Variants in SDC3 observed in about 807,000 individuals in gnomAD.
The protein encoded by SDC3 is syndecan-3.
SDC3 carries 13 observed loss-of-function variants against 24.4 expected under a neutral mutation model. That is an observed-to-expected ratio of 0.53 (90% CI 0.35 to 0.85). The LOEUF (loss-of-function observed/expected upper bound fraction) is 0.85, where lower values mean the gene tolerates loss of function less well. Ranked by LOEUF, SDC3 falls within the 40% of genes least tolerant of loss-of-function variation. The pLI is 0.01. For synonymous variants in SDC3, 295 were observed against 260.9 expected (o/e 1.13, Z -1.26); for missense variants, 571 against 584.5 (o/e 0.98, Z 0.24).
At position 30,908,520 on chromosome 1, in the gene SDC3, C is replaced by T. The variant is rs1638579117; in HGVS notation, c.67G>A (p.Ala23Thr). 3 of 974,246 alleles carry T rather than the reference C, an allele frequency of 3.1e-6. No homozygotes were observed. The African/African-American group carries it at 5.4e-5, about 18-fold the overall frequency. The allele number at this position is 974,246 out of a possible 1,614,324, so 60.4% of individuals were successfully genotyped here. Residue 23 changes from alanine (A) to threonine (T), a missense_variant, in exon 1 of 5, where the codon GCC (alanine) becomes ACC (threonine). Transcript: ENST00000339394. ...AGCAGCCCGCGGGCCCCGGGCCCGG[C>T]CGCGGCCCCGGCCCCGGCGCCGGCC... ...HGAGAGAGAA[A>T]GPGARGLLLP...
At chr1:30,891,028 G>C (rs1570014329) in intron 1 of SDC3, among the ~76,000 whole-genome samples, 1 of 152,166 alleles carries the variant, frequency 6.6e-6, no homozygotes, top group Non-Finnish European at 1.5e-5. Flanking sequence ...CCAGACCCAG[G>C]CTATCTGCCG....
intron 4 of SDC3, 140 bp downstream of exon 4, chr1:30,874,156 CT>C: frequency 4.4e-6 from 3 of 674,700 alleles, no homozygotes; most frequent in Non-Finnish European, 2.5e-6. Context: ...GGGTTGAGTT[CT>C]CAAGTTTCCT....
At chr1:30,877,392 C>T in intron 2 of SDC3, 3 of 633,282 alleles carry the variant, frequency 4.7e-6, no homozygotes, top group Non-Finnish European at 8.5e-6. Context: ...CTGGGGGCCG[C>T]CTCTCCCGGG....
At chr1:30,907,169 C>A (rs1445726896) in intron 1 of SDC3, among the ~76,000 whole-genome samples, 1 of 152,184 alleles carries the variant, frequency 6.6e-6, no homozygotes, top group African/African-American at 2.4e-5. Context: ...CCTTTTCAGC[C>A]TGGGGGATGC....
At chr1:30,876,011 T>TAATAACA (rs1639630393) in intron 3 of SDC3, among the ~76,000 whole-genome samples, 1 of 152,172 alleles carries the variant, frequency 6.6e-6, no homozygotes, top group African/African-American at 2.4e-5. Flanking sequence ...AGACCCATGA[T>TAATAACA]AATAACAACC....
intron 1 of SDC3, among the ~76,000 whole-genome samples, chr1:30,904,364 A>G (rs183270677): frequency 6.6e-6 from 1 of 152,050 alleles, no homozygotes; most frequent in African/African-American, 2.4e-5. Context: ...ACTTGGGATG[A>G]GCCCCCCCTC....
At chr1:30,884,549 C>T (rs1451704167) in intron 1 of SDC3, among the ~76,000 whole-genome samples, 1 of 152,098 alleles carries the variant, frequency 6.6e-6, no homozygotes, top group African/African-American at 2.4e-5. Flanking sequence ...TTCCCACCAT[C>T]CCCCCAGGAT....
At chr1:30,894,859 T>G (rs964568295) in intron 1 of SDC3, among the ~76,000 whole-genome samples, 4 of 151,890 alleles carry the variant, frequency 2.6e-5, no homozygotes, top group African/African-American at 9.7e-5. Context: ...CTCGAGTGGC[T>G]TAGATGCCTG....
intron 1 of SDC3, among the ~76,000 whole-genome samples, chr1:30,893,262 C>T (rs1478781917): frequency 1.3e-5 from 2 of 148,814 alleles, no homozygotes; most frequent in Admixed American, 6.7e-5. Flanking sequence ...AAGACAGTCT[C>T]ACCACTGTGC....
intron 1 of SDC3, among the ~76,000 whole-genome samples, chr1:30,883,511 AC>A: frequency 6.6e-6 from 1 of 152,024 alleles, no homozygotes; most frequent in South Asian, 2.1e-4. Flanking sequence ...GTGTTACTTA[AC>A]CTCTCTGAGC....
upstream of SDC3, among the ~76,000 whole-genome samples, chr1:30,909,073 C>T (rs1485706457): frequency 6.6e-6 from 1 of 152,130 alleles, no homozygotes; most frequent in African/African-American, 2.4e-5. Flanking sequence ...ATACCAGGGC[C>T]CGGGCCTGGC....
At chr1:30,877,269 C>A in intron 2 of SDC3, 104 bp from the exon 3 acceptor site, 1 of 1,414,748 alleles carries the variant, frequency 7.1e-7, no homozygotes, top group East Asian at 2.4e-5. Flanking sequence ...CTCCCAACCC[C>A]CTCTCTTTAC....
At chr1:30,905,823 A>T (rs948239099) in intron 1 of SDC3, among the ~76,000 whole-genome samples, 2 of 151,994 alleles carry the variant, frequency 1.3e-5, no homozygotes, top group Non-Finnish European at 2.9e-5. Context: ...GGTCTGTCAG[A>T]AGAGGGACTC....
rs974612847 is a variant in SDC3, at chr1:30,869,648, T to A, written c.*3563A>T. On this transcript the variant is annotated 3_prime_UTR_variant, in exon 5 of 5. Transcript: ENST00000339394. ...GCCTTGGTCTCTTTTTTCCACTGTCTTTTTCTTTTGTTTTTCTTATTTAAG... is the reference window on the plus strand; with the variant it reads ...GCCTTGGTCTCTTTTTTCCACTGTCATTTTCTTTTGTTTTTCTTATTTAAG... The A allele has an allele frequency of 5.0e-6, 2 of 398,416 alleles. No individual in the cohort carries two copies. Among genetic ancestry groups the A allele is most frequent in the African/African-American group, 4.1e-5 (2 of 48,544 alleles). The allele number at this position is 398,416 out of a possible 1,614,324, so 24.7% of individuals were successfully genotyped here.
At chr1:30,896,328 G>A (rs1639997865) in intron 1 of SDC3, among the ~76,000 whole-genome samples, 1 of 152,188 alleles carries the variant, frequency 6.6e-6, no homozygotes, top group Non-Finnish European at 1.5e-5. Context: ...GAGCTCCAAG[G>A]TGGTAACAAT....
chr1:30,887,254 G>A (rs1639842810), intron 1 of SDC3, among the ~76,000 whole-genome samples: 1 of 151,854 alleles, frequency 6.6e-6, no homozygotes, highest in South Asian at 2.1e-4. Context: ...GTCACTGCCA[G>A]CAAACACGGC....
intron 1 of SDC3, among the ~76,000 whole-genome samples, chr1:30,906,462 T>C (rs1225250639): frequency 6.6e-6 from 1 of 152,186 alleles, no homozygotes; most frequent in African/African-American, 2.4e-5. Context: ...GGCTATTAAA[T>C]GCTCTCACTA....
chr1:30,876,480 C>T (rs1401329390), intron 3 of SDC3, 72 bp downstream of exon 3: 4 of 1,353,896 alleles, frequency 3.0e-6, no homozygotes, highest in Admixed American at 5.0e-5. Context: ...TCCTGTCCAG[C>T]CCCATCCTCC....
At position 30,880,191 on chromosome 1, in the gene SDC3, TGAC is replaced by T. The variant is rs1639721292; in HGVS notation, c.139-1454_139-1452del. Among the ~76,000 whole-genome samples the T allele has an allele frequency of 7.2e-5, 11 of 152,156 alleles. No homozygotes were observed. In the South Asian group the frequency reaches 2.3e-3, roughly 32 times the overall value. On this transcript the variant is annotated intron_variant, in intron 1 of 4. Coordinates refer to ENST00000339394, the MANE Select transcript of SDC3 (RefSeq NM_014654.4). ...GCCATCGACATGACAACCGTTACCA[TGAC>T]GACCATCTTCTCCATGCTAACGACC...
Sources: gnomAD v4.1 joint callset for allele counts (sites outside exome capture counted in the v4.1 genomes callset) on GRCh38, gnomAD v4.1.1 for gene constraint, MANE v1.5 for transcripts, NCBI Gene and HGNC (gene_info 2026-07-23, HGNC 2026-07-21) for gene names.